The following USH2A variants were observed in gnomAD, a reference collection of about 807,000 sequenced individuals.
USH2A encodes Usher syndrome 2A (autosomal recessive, mild).
A neutral mutation model predicts 538.9 loss-of-function variants in USH2A; 443 were observed. The observed-to-expected ratio is 0.82, with a 90% confidence interval of 0.76 to 0.89. The LOEUF (loss-of-function observed/expected upper bound fraction) is 0.89, where lower values mean the gene tolerates loss of function less well. Ranked by LOEUF, USH2A falls within the 40% of genes least tolerant of loss-of-function variation. The pLI, the probability that USH2A is intolerant of heterozygous loss-of-function variation, is 0.00. For synonymous variants in USH2A, 2,413 were observed against 2,273.5 expected (o/e 1.06, Z -1.75); for missense variants, 6,633 against 6,324.8 (o/e 1.05, Z -1.65).
chr1:216,089,259 T>C, intron 22 of USH2A, 120 bp from the exon 23 acceptor site: 1 of 1,096,714 alleles, frequency 9.1e-7, no homozygotes, highest in Non-Finnish European at 1.4e-6. Flanking sequence ...CAAGCATGCA[T>C]ACATTTCAAA....
At chr1:216,030,338 A>G (rs1039779141) in intron 32 of USH2A, among the ~76,000 whole-genome samples, 1 of 138,046 alleles carries the variant, frequency 7.2e-6, no homozygotes, top group East Asian at 2.1e-4. Context: ...TATATATGAT[A>G]TATAGATATA....
chr1:215,837,539 A>C (rs1441964714), intron 47 of USH2A, among the ~76,000 whole-genome samples: 1 of 152,182 alleles, frequency 6.6e-6, no homozygotes. Context: ...TTCTACCAAG[A>C]AGCTGACAAA....
intron 23 of USH2A, among the ~76,000 whole-genome samples, chr1:216,088,105 T>G (rs1392588320): frequency 6.6e-6 from 1 of 152,132 alleles, no homozygotes; most frequent in Non-Finnish European, 1.5e-5. Flanking sequence ...ATGCCACATG[T>G]AGTGTGCTCT....
chr1:216,365,786 G>A (rs2038584983), intron 3 of USH2A, among the ~76,000 whole-genome samples: 1 of 152,058 alleles, frequency 6.6e-6, no homozygotes, highest in African/African-American at 2.4e-5. Context: ...CTCTAATGCT[G>A]TAATGCAAAA....
Position 216,200,110 on chromosome 1 carries a change from A to G in USH2A, c.3328T>C (p.Phe1110Leu). The G allele has an allele frequency of 6.2e-7, 1 of 1,611,350 alleles. No homozygotes were observed. Among genetic ancestry groups the G allele is most frequent in the South Asian group, 1.1e-5 (1 of 90,294 alleles). The change falls in exon 17 of 72, where the codon TTC (phenylalanine) becomes CTC (leucine). Residue 1110 changes from phenylalanine to leucine, a missense_variant. Phe to Leu is a conservative substitution (Grantham distance 22). Transcript: ENST00000307340. ...EDQYPYSIQY[F>L]LDTDLLPYTK... Reference sequence around the variant, plus strand: ...TATGGTAACAGGTCTGTGTCTAAGAAGTATTGAATACCTGAAATGAAAAGA... The same window carrying G: ...TATGGTAACAGGTCTGTGTCTAAGAGGTATTGAATACCTGAAATGAAAAGA...
intron 32 of USH2A, among the ~76,000 whole-genome samples, chr1:216,022,219 A>G (rs1204627704): frequency 6.6e-6 from 1 of 152,012 alleles, no homozygotes; most frequent in African/African-American, 2.4e-5. Context: ...TGATTCCTTT[A>G]TAGGAACACT....
At chr1:216,114,206 AT>A (rs990792173) in intron 21 of USH2A, among the ~76,000 whole-genome samples, 16 of 151,816 alleles carry the variant, frequency 1.1e-4, no homozygotes, top group Non-Finnish European at 2.2e-4. Flanking sequence ...AAAAATATTT[AT>A]TTTTATGTAT....
At chr1:215,994,478 G>T (rs974536190) in intron 34 of USH2A, among the ~76,000 whole-genome samples, 2 of 151,962 alleles carry the variant, frequency 1.3e-5, no homozygotes, top group African/African-American at 2.4e-5. Flanking sequence ...AACAGTTTAT[G>T]GTCAACAAAC....
intron 2 of USH2A, 62 bp from the exon 3 acceptor site, chr1:216,418,741 T>C (rs1022412971): frequency 1.3e-6 from 2 of 1,585,620 alleles, no homozygotes; most frequent in Non-Finnish European, 1.7e-6. Flanking sequence ...CATGCTAAGG[T>C]ATTGTGCAGT....
At chr1:216,293,144 C>T (rs1225679092) in intron 9 of USH2A, among the ~76,000 whole-genome samples, 2 of 151,862 alleles carry the variant, frequency 1.3e-5, no homozygotes, top group Non-Finnish European at 2.9e-5. Context: ...CCCGCCTCAG[C>T]CTCCCAAGTA....
chr1:215,698,335 AC>A (rs1658885515), intron 61 of USH2A, among the ~76,000 whole-genome samples: 3 of 152,180 alleles, frequency 2.0e-5, no homozygotes. Flanking sequence ...TTGGGTATAT[AC>A]CCAGTAATGG....
intron 14 of USH2A, among the ~76,000 whole-genome samples, chr1:216,221,004 T>C (rs2035448956): frequency 2.0e-5 from 3 of 152,096 alleles, no homozygotes; most frequent in African/African-American, 7.2e-5. Flanking sequence ...TCGGCAGAGT[T>C]TTTTTGTTTG....
intron 30 of USH2A, among the ~76,000 whole-genome samples, chr1:216,065,188 A>G (rs1558238644): frequency 6.6e-6 from 1 of 152,224 alleles, no homozygotes; most frequent in Non-Finnish European, 1.5e-5. Context: ...ATTGGTTTAC[A>G]ATCTGTGGGA....
At chr1:216,074,272 G>A (rs1159627857) in intron 27 of USH2A, among the ~76,000 whole-genome samples, 2 of 152,044 alleles carry the variant, frequency 1.3e-5, no homozygotes, top group African/African-American at 4.8e-5. Flanking sequence ...GCAGAAAACT[G>A]CACGAAATTG....
At chr1:215,931,260 T>C (rs1185573578) in intron 38 of USH2A, among the ~76,000 whole-genome samples, 1 of 152,006 alleles carries the variant, frequency 6.6e-6, no homozygotes, top group East Asian at 1.9e-4. Context: ...ATTATATATT[T>C]TTTCTCATCA....
At position 215,867,029 on chromosome 1, in the gene USH2A, G is replaced by A. The variant is rs764453827; in HGVS notation, c.8823C>T (p.Ile2941=). 1.2e-6 allele frequency: 2 copies of A among 1,614,104 alleles called. No individual in the cohort carries two copies. The highest frequency in any genetic ancestry group is 1.7e-5 in the Admixed American group (1 of 60,012). The part of the protein sequence containing the change: ...LTASVLNHTA[I]DVRWAKPTVQ... ...TACTTGGTTTAGCCCACCTCACGTC[G>A]ATGGCTGTGTGGTTAAGGACACTCG... The change falls in exon 44 of 72, where the codon ATC becomes ATT. Residue 2941 remains isoleucine (I), a synonymous_variant. Transcript: ENST00000307340.
intron 35 of USH2A, among the ~76,000 whole-genome samples, chr1:215,990,691 C>T (rs1398880937): frequency 6.6e-6 from 1 of 151,264 alleles, no homozygotes; most frequent in Non-Finnish European, 1.5e-5. Context: ...TACGGTTAGC[C>T]TAGAAGAATG....
intron 21 of USH2A, among the ~76,000 whole-genome samples, chr1:216,148,135 C>T (rs190233525): frequency 0.02 from 3,080 of 152,096 alleles, 108 homozygotes; most frequent in African/African-American, 0.07. Flanking sequence ...AGGCTACCCA[C>T]TCCACATTAC....
intron 69 of USH2A, 125 bp downstream of exon 69, chr1:215,639,030 G>T: frequency 4.3e-6 from 4 of 919,834 alleles, no homozygotes; most frequent in Non-Finnish European, 5.2e-6. Flanking sequence ...GACAACACTT[G>T]GCACAATTTC....
Sources: allele counts gnomAD v4.1 joint callset (sites outside exome capture counted in the v4.1 genomes callset), GRCh38; gene constraint gnomAD v4.1.1; transcripts MANE v1.5; gene names NCBI Gene and HGNC (gene_info 2026-07-23, HGNC 2026-07-21).